The following RB1 variants were observed in gnomAD, a reference collection of about 807,000 sequenced individuals.
The protein encoded by RB1 is RB transcriptional corepressor 1, also known as retinoblastoma-associated protein.
Under a neutral mutation model 135.4 loss-of-function variants are expected in RB1, and 18 were observed. The observed-to-expected ratio is 0.13, with a 90% confidence interval of 0.09 to 0.20. The LOEUF is 0.20. RB1 is among the 10% of genes least tolerant of loss of function. RB1 has a pLI of 1.00. For missense variants in RB1, 868 were observed against 1,110.0 expected (o/e 0.78, Z 3.10); for synonymous variants, 365 against 373.2 (o/e 0.98, Z 0.25).
intron 3 of RB1, among the ~76,000 whole-genome samples, chr13:48,343,033 T>C (rs1952461385): frequency 6.6e-6 from 1 of 152,160 alleles, no homozygotes; most frequent in Non-Finnish European, 1.5e-5. Context: ...GCTTGTTTTA[T>C]ATTAAAACCT....
intron 9 of RB1, among the ~76,000 whole-genome samples, chr13:48,366,559 T>C (rs1437899601): frequency 2.6e-5 from 4 of 152,200 alleles, no homozygotes; most frequent in Middle Eastern, 3.2e-3. Flanking sequence ...CTCTTGGGCA[T>C]TGGTTTTTAA....
At chr13:48,389,741 T>G (rs1480322081) in intron 17 of RB1, 1 of 152,338 alleles carries the variant, frequency 6.6e-6, no homozygotes, top group Non-Finnish European at 1.5e-5. Context: ...CGCTCCTTGG[T>G]GCACACTCAG....
At chr13:48,379,907 C>T in intron 14 of RB1, 146 bp from the exon 15 acceptor site, 2 of 795,554 alleles carry the variant, frequency 2.5e-6, no homozygotes, top group Non-Finnish European at 3.7e-6. Flanking sequence ...TTGCAGTGAG[C>T]CAAGATTGTG....
At chr13:48,317,691 C>A in intron 2 of RB1, 1 of 550,034 alleles carries the variant, frequency 1.8e-6, no homozygotes, top group Non-Finnish European at 2.8e-6. Context: ...GTGCCGGATC[C>A]CCTTGGGCGG....
In RB1 at chr13:48,376,924, A is replaced by C; in HGVS notation, c.1222A>C (p.Thr408Pro). The change falls in exon 13 of 27, where the codon ACA becomes CCA. Residue 408 changes from threonine (T) to proline (P), a missense_variant. Physicochemically the swap from Thr to Pro is conservative, Grantham distance 38. This residue lies in a region of RB1 where 641 missense variants were observed against 791.3 expected (regional missense o/e 0.81). Transcript: ENST00000267163. ...CTGTTTTTACCTCCTAAAGAACTGC[A>C]CAGTGAATCCAAAAGAAAGTATACT... is the stretch of plus-strand genomic sequence containing the variant. Reference protein sequence around the residue: ...ENLISYFNNCTVNPKESILKR... With the variant: ...ENLISYFNNCPVNPKESILKR... 6.2e-7 allele frequency: 1 copy of C among 1,613,664 alleles called. No homozygotes were observed. Among genetic ancestry groups the C allele is most frequent in the Non-Finnish European group, 8.5e-7 (1 of 1,179,816 alleles).
chr13:48,328,488 C>A, intron 2 of RB1: 2 of 828,024 alleles, frequency 2.4e-6, no homozygotes, highest in Non-Finnish European at 4.3e-6. Flanking sequence ...CTGGAACTTT[C>A]CTCTCCATTA....
intron 2 of RB1, among the ~76,000 whole-genome samples, chr13:48,340,439 A>C (rs1036802302): frequency 6.6e-6 from 1 of 152,172 alleles, no homozygotes; most frequent in Non-Finnish European, 1.5e-5. Flanking sequence ...CATTTCACTT[A>C]TGCATTTTAT....
chr13:48,367,569 C>A lies in RB1; in HGVS notation c.1015C>A (p.His339Asn), dbSNP rs1172934380. The change falls in exon 10 of 27, where the codon CAT becomes AAT. Residue 339 changes from histidine (H) to asparagine (N), a missense_variant. Coordinates refer to ENST00000267163, the MANE Select transcript of RB1 (RefSeq NM_000321.3). ...KDLDARLFLD[H>N]DKTLQTDSID... is the part of the protein sequence containing the mutation. ...TCTAGATGCAAGATTATTTTTGGAT[C>A]ATGATAAAACTCTTCAGACTGATTC... 1 of 1,604,424 alleles carries A rather than the reference C, an allele frequency of 6.2e-7. No homozygotes were observed. Among genetic ancestry groups the A allele is most frequent in the South Asian group, 1.1e-5 (1 of 90,968 alleles).
At chr13:48,359,528 T>A (rs965233860) in intron 6 of RB1, among the ~76,000 whole-genome samples, 9 of 147,866 alleles carry the variant, frequency 6.1e-5, no homozygotes, top group African/African-American at 2.2e-4. Context: ...TAATTTTATA[T>A]AATAAATATA....
chr13:48,404,442 GA>G (rs11307004), intron 17 of RB1, among the ~76,000 whole-genome samples: 136,242 of 151,096 alleles, frequency 0.9, 62,549 homozygotes, highest in East Asian at 1. Flanking sequence ...AAAAAGAACA[GA>G]AAAAAAAAAT....
At chr13:48,359,470 G>A (rs1315543310) in intron 6 of RB1, among the ~76,000 whole-genome samples, 1 of 148,028 alleles carries the variant, frequency 6.8e-6, no homozygotes, top group Non-Finnish European at 1.5e-5. Context: ...TTTAGATAAT[G>A]AGAATTAATT....
chr13:48,398,836 A>C (rs1256077971), intron 17 of RB1, among the ~76,000 whole-genome samples: 2 of 152,124 alleles, frequency 1.3e-5, no homozygotes, highest in African/African-American at 4.8e-5. Context: ...CATAATATGT[A>C]TGTGTATTTT....
intron 20 of RB1, among the ~76,000 whole-genome samples, chr13:48,460,747 GCT>G (rs1020718031): frequency 6.6e-6 from 1 of 152,178 alleles, no homozygotes; most frequent in Non-Finnish European, 1.5e-5. Context: ...GATCGCTTGA[GCT>G]CAGGAGTTTG....
chr13:48,347,857 G>A lies in RB1; in HGVS notation c.533G>A (p.Ser178Asn), dbSNP rs2138091710. ...TCELIYLTQP[S>N]SSISTEINSA... ...GAACTTATATATTTGACACAACCCAGCAGTTCGTAAGTAGTTCACAGAATG... is the reference window on the plus strand; with the variant it reads ...GAACTTATATATTTGACACAACCCAACAGTTCGTAAGTAGTTCACAGAATG... Residue 178 changes from serine (S) to asparagine (N), a missense_variant, in exon 5 of 27, where the codon AGC becomes AAC. Physicochemically the swap from Ser to Asn is conservative, Grantham distance 46 (BLOSUM62 1). Coordinates refer to ENST00000267163, the MANE Select transcript of RB1 (RefSeq NM_000321.3). The A allele has an allele frequency of 2.5e-6, 4 of 1,590,354 alleles. No individual in the cohort carries two copies. The highest frequency in any genetic ancestry group is 3.4e-6 in the Non-Finnish European group (4 of 1,159,760).
At chr13:48,475,719 G>A (rs1949500059) in intron 24 of RB1, among the ~76,000 whole-genome samples, 1 of 152,190 alleles carries the variant, frequency 6.6e-6, no homozygotes, top group African/African-American at 2.4e-5. Flanking sequence ...AGGAGGTGGG[G>A]TCATTGGGAG....
chr13:48,437,468 G>A lies in RB1; in HGVS notation c.1696-15525G>A, dbSNP rs4151561. 6.3e-3 allele frequency among the ~76,000 whole-genome samples: 964 copies of A among 152,294 alleles called. 5 individuals are homozygous for A. Among genetic ancestry groups the A allele is most frequent in the African/African-American group, 0.022 (930 of 41,568 alleles). ...AATTCTGAAAGTCGGGAAACTGGGA[G>A]TGGCTTTACTGTGTGATTTTGACTC... On this transcript the variant is annotated intron_variant, in intron 17 of 26. Transcript: ENST00000267163.
intron 11 of RB1, among the ~76,000 whole-genome samples, chr13:48,369,685 C>T (rs1045934905): frequency 1.3e-5 from 2 of 152,190 alleles, no homozygotes; most frequent in Non-Finnish European, 2.9e-5. Context: ...TGAAAACCCT[C>T]GTACTTGATA....
chr13:48,457,229 A>T (rs868438662), intron 19 of RB1, among the ~76,000 whole-genome samples: 2 of 152,166 alleles, frequency 1.3e-5, no homozygotes, highest in Non-Finnish European at 2.9e-5. Context: ...TTCAGCTCCT[A>T]GCAGAGAAGG....
intron 3 of RB1, among the ~76,000 whole-genome samples, chr13:48,344,787 CAT>C (rs1335283359): frequency 6.6e-6 from 1 of 152,114 alleles, no homozygotes; most frequent in African/African-American, 2.4e-5. Context: ...GATGTGAACT[CAT>C]GTTTTTTAAA....
Sources: allele counts gnomAD v4.1 joint callset (sites outside exome capture counted in the v4.1 genomes callset), GRCh38; gene constraint gnomAD v4.1.1; regional missense constraint gnomAD v4.1.1; transcripts MANE v1.5; gene names NCBI Gene and HGNC (gene_info 2026-07-23, HGNC 2026-07-21).